NPAS3: variants seen among roughly 807,000 people sequenced by gnomAD.
NPAS3 encodes neuronal PAS domain protein 3.
In NPAS3, 14 loss-of-function variants were observed where a neutral mutation model predicts 73.1. The ratio of observed to expected loss-of-function variants is 0.19; its 90% CI spans 0.13 to 0.30. NPAS3 has a LOEUF of 0.30. Ranked by LOEUF, NPAS3 falls within the 10% of genes least tolerant of loss-of-function variation. The pLI is 1.00. For synonymous variants in NPAS3, 620 were observed against 541.5 expected (o/e 1.14, Z -2.01); for missense variants, 1,096 against 1,250.0 (o/e 0.88, Z 1.86).
chr14:33,258,845 G>T (rs138134618), intron 3 of NPAS3, among the ~76,000 whole-genome samples: 1 of 152,006 alleles, frequency 6.6e-6, no homozygotes, highest in Non-Finnish European at 1.5e-5. Context: ...ATGGAGTCTC[G>T]CTCTGTCACC....
At chr14:33,055,502 C>T (rs1443433182) in intron 1 of NPAS3, among the ~76,000 whole-genome samples, 2 of 152,080 alleles carry the variant, frequency 1.3e-5, no homozygotes, top group Non-Finnish European at 2.9e-5. Context: ...TTTACAGTTG[C>T]CTACAATAGT....
At chr14:33,218,797 C>T (rs1484139733) in intron 3 of NPAS3, among the ~76,000 whole-genome samples, 1 of 152,144 alleles carries the variant, frequency 6.6e-6, no homozygotes, top group African/African-American at 2.4e-5. Flanking sequence ...TAATTTATGG[C>T]TTCAGAAAGG....
At chr14:33,028,170 G>T (rs1027036936) in intron 1 of NPAS3, among the ~76,000 whole-genome samples, 1 of 152,100 alleles carries the variant, frequency 6.6e-6, no homozygotes, top group African/African-American at 2.4e-5. Flanking sequence ...TGGAACACTT[G>T]GTCTTTGCCT....
At chr14:33,793,970 G>A in exon 10 of NPAS3, 4 of 1,613,676 alleles carry the variant, frequency 2.5e-6, no homozygotes, top group East Asian at 2.2e-5. Context: ...TTTGGATACA[G>A]TCCAGTGCCA....
chr14:33,791,137 C>G (rs2063346799), intron 9 of NPAS3, among the ~76,000 whole-genome samples: 1 of 152,114 alleles, frequency 6.6e-6, no homozygotes, highest in African/African-American at 2.4e-5. Flanking sequence ...TCAGACTGGC[C>G]CAGGGTAAAA....
chr14:33,764,146 T>C (rs1023758539), intron 7 of NPAS3, among the ~76,000 whole-genome samples: 1 of 152,194 alleles, frequency 6.6e-6, no homozygotes, highest in African/African-American at 2.4e-5. Context: ...TGAAGTTAAA[T>C]GGGGGCACTG....
At chr14:33,572,778 A>G (rs1007134620) in intron 5 of NPAS3, among the ~76,000 whole-genome samples, 6 of 152,280 alleles carry the variant, frequency 3.9e-5, no homozygotes, top group Middle Eastern at 3.4e-3. Context: ...TAATCCCTGC[A>G]CTTTGGGAGG....
At chr14:32,949,368 T>C (rs994260445) in intron 1 of NPAS3, among the ~76,000 whole-genome samples, 8 of 152,022 alleles carry the variant, frequency 5.3e-5, no homozygotes, top group African/African-American at 1.9e-4. Flanking sequence ...GCATTCAGAA[T>C]TTCATGATCT....
intron 3 of NPAS3, among the ~76,000 whole-genome samples, chr14:33,310,630 G>C (rs1285883971): frequency 2.6e-5 from 4 of 152,184 alleles, no homozygotes; most frequent in Admixed American, 2.6e-4. Context: ...CTGTCACTAA[G>C]ATAGTTCTTT....
intron 1 of NPAS3, among the ~76,000 whole-genome samples, chr14:32,998,239 A>T (rs989114809): frequency 6.6e-6 from 1 of 152,174 alleles, no homozygotes; most frequent in Non-Finnish European, 1.5e-5. Flanking sequence ...GTGTGGATGA[A>T]CCTCGAAACC....
intron 2 of NPAS3, among the ~76,000 whole-genome samples, chr14:33,102,477 T>C (rs1209664110): frequency 1.3e-5 from 2 of 152,192 alleles, no homozygotes; most frequent in African/African-American, 2.4e-5. Flanking sequence ...ATGAAAATAG[T>C]AACTCATTCA....
chr14:33,178,359 C>G (rs2045674769), intron 2 of NPAS3, among the ~76,000 whole-genome samples: 1 of 152,112 alleles, frequency 6.6e-6, no homozygotes, highest in South Asian at 2.1e-4. Context: ...AGGCATGAGC[C>G]ACCGCACCCG....
chr14:33,704,920 C>A (rs929576623), intron 6 of NPAS3, among the ~76,000 whole-genome samples: 1 of 152,182 alleles, frequency 6.6e-6, no homozygotes, highest in African/African-American at 2.4e-5. Flanking sequence ...CATTGCTATG[C>A]ACCCACACTT....
intron 2 of NPAS3, among the ~76,000 whole-genome samples, chr14:33,148,707 G>A (rs959815116): frequency 3.9e-5 from 6 of 152,010 alleles, no homozygotes; most frequent in African/African-American, 1.2e-4. Flanking sequence ...TTTTTTTGGA[G>A]ACGAGGTCTC....
chr14:33,237,564 T>C (rs1480762890), intron 3 of NPAS3, among the ~76,000 whole-genome samples: 1 of 152,096 alleles, frequency 6.6e-6, no homozygotes, highest in Non-Finnish European at 1.5e-5. Context: ...ATGCTGATGA[T>C]GCCCATAGGC....
At chr14:33,739,695 A>G (rs76624817) in intron 7 of NPAS3, among the ~76,000 whole-genome samples, 1,525 of 152,280 alleles carry the variant, frequency 0.01, 37 homozygotes, top group African/African-American at 0.034. Context: ...TCCCAAGGTA[A>G]GTTCATTTTG....
intron 3 of NPAS3, among the ~76,000 whole-genome samples, chr14:33,275,622 T>C (rs993080327): frequency 3.3e-5 from 5 of 152,200 alleles, no homozygotes; most frequent in Non-Finnish European, 4.4e-5. Context: ...ACATCCATAA[T>C]AGATTCATCC....
intron 2 of NPAS3, among the ~76,000 whole-genome samples, chr14:33,160,239 G>A (rs2044814317): frequency 6.6e-6 from 1 of 151,968 alleles, no homozygotes; most frequent in African/African-American, 2.4e-5. Flanking sequence ...CCATGATCAA[G>A]TCAATTATAT....
intron 5 of NPAS3, among the ~76,000 whole-genome samples, chr14:33,570,794 A>G (rs1039425219): frequency 2.6e-5 from 4 of 152,190 alleles, no homozygotes; most frequent in African/African-American, 9.7e-5. Flanking sequence ...TTTCATTATC[A>G]CTTAGAACAC....
Sources: gnomAD v4.1 joint callset for allele counts (sites outside exome capture counted in the v4.1 genomes callset) on GRCh38, gnomAD v4.1.1 for gene constraint, MANE v1.5 for transcripts, NCBI Gene and HGNC (gene_info 2026-07-23, HGNC 2026-07-21) for gene names.